ATP8B1: variants seen among roughly 807,000 people sequenced by gnomAD.
ATP8B1 encodes the protein phospholipid-transporting ATPase IC.
A neutral mutation model predicts 149.9 loss-of-function variants in ATP8B1; 80 were observed. The ratio of observed to expected loss-of-function variants is 0.53; its 90% confidence interval spans 0.45 to 0.64. ATP8B1 has a LOEUF of 0.64. Ranked by LOEUF, ATP8B1 falls within the 30% of genes least tolerant of loss-of-function variation. ATP8B1 has a pLI of 0.00. For missense variants in ATP8B1, 1,247 were observed against 1,552.6 expected, an observed-to-expected ratio of 0.80 and a Z score of 3.31; for synonymous variants, 536 against 562.8, an observed-to-expected ratio of 0.95 and a Z score of 0.67.
At chr18:57,661,696 C>CACACACATAT (rs775312497) in intron 21 of ATP8B1, among the ~76,000 whole-genome samples, 1 of 90,400 alleles carries the variant, frequency 1.1e-5, no homozygotes, top group African/African-American at 4.1e-5. Context: ...CACACACACA[C>CACACACATAT]ATATATATAT....
chr18:57,790,308 C>T (rs1259304654), intron 1 of ATP8B1, among the ~76,000 whole-genome samples: 2 of 151,936 alleles, frequency 1.3e-5, no homozygotes, highest in Admixed American at 6.6e-5. Flanking sequence ...CTGCCCCCAC[C>T]CCCATCCCCC....
At chr18:57,675,053 A>G (rs1221289520) in intron 15 of ATP8B1, 31 bp from the exon 16 acceptor site, 1 of 1,610,196 alleles carries the variant, frequency 6.2e-7, no homozygotes, top group South Asian at 1.1e-5. Context: ...ATCCCAGAAA[A>G]GCTGTAAAAA....
At chr18:57,702,341 G>A (rs73959327) in intron 4 of ATP8B1, among the ~76,000 whole-genome samples, 1,523 of 152,294 alleles carry the variant, frequency 0.01, 22 homozygotes, top group African/African-American at 0.035. Context: ...GACAGGCTTT[G>A]GAGTCAACTC....
At position 57,648,701 on chromosome 18, in the gene ATP8B1, A is replaced by G; in HGVS notation, c.3543T>C (p.His1181=). Residue 1181 remains histidine (H), a synonymous_variant, in exon 28 of 28, where the codon CAT becomes CAC. Coordinates refer to ENST00000648908, the MANE Select transcript of ATP8B1 (RefSeq NM_001374385.1). ...WPSESDKIQK[H]RKRLKAEEQW... is the part of the protein sequence containing the mutation. Reference sequence around the variant, plus strand: ...GCTCCTCCGCCTTCAACCGCTTGCGATGCTTCTGGATCTGCAAGGGGGAGA... The same window carrying G: ...GCTCCTCCGCCTTCAACCGCTTGCGGTGCTTCTGGATCTGCAAGGGGGAGA... 6.4e-7 allele frequency: 1 copy of G among 1,554,184 alleles called. No homozygotes were observed. Among genetic ancestry groups the G allele is most frequent in the Non-Finnish European group, 8.7e-7 (1 of 1,149,392 alleles).
intron 25 of ATP8B1, 85 bp downstream of exon 25, chr18:57,652,399 T>G (rs1909680444): frequency 1.3e-6 from 2 of 1,569,292 alleles, no homozygotes; most frequent in Admixed American, 1.7e-5. Context: ...GCAGTGGGAG[T>G]CAGGTGGATG....
In ATP8B1 at chr18:57,661,646, C is replaced by T. The variant is rs62094219; in HGVS notation, c.2419-184G>A. Among the ~76,000 whole-genome samples, 47,315 of 130,588 alleles carry T rather than the reference C, an allele frequency of 0.36. 10,043 individuals are homozygous for T. The highest frequency in any genetic ancestry group is 0.48 in the Non-Finnish European group (29,532 of 61,456). The allele number at this position is 130,588 out of a possible 152,430, so 85.7% of individuals were successfully genotyped here. A position where few individuals can be genotyped will look rare whatever the true frequency, so the allele number is the denominator to read the frequency against. ...GTGTGCGTGTGTATGTATATACACA[C>T]GCACACATATATGTATGTGTGTATG... On this transcript the variant is annotated intron_variant, in intron 21 of 27. Transcript: ENST00000648908.
chr18:57,777,579 T>C (rs1317457691), intron 1 of ATP8B1, among the ~76,000 whole-genome samples: 1 of 152,194 alleles, frequency 6.6e-6, no homozygotes, highest in Non-Finnish European at 1.5e-5. Context: ...TATTTATTTA[T>C]TTATTTTGAG....
At chr18:57,748,620 C>T (rs192352430) in intron 1 of ATP8B1, among the ~76,000 whole-genome samples, 1 of 152,294 alleles carries the variant, frequency 6.6e-6, no homozygotes, top group East Asian at 1.9e-4. Context: ...CAGAGGACTC[C>T]ACAGTCAGGT....
chr18:57,732,037 A>T lies in ATP8B1; in HGVS notation c.-25-205T>A, dbSNP rs77436314. 2.6e-3 allele frequency: 1,165 copies of T among 450,006 alleles called. 21 individuals carry two copies. The highest frequency in any genetic ancestry group is 0.022 in the African/African-American group (1,087 of 49,340). The allele number at this position is 450,006 out of a possible 1,614,324, so 27.9% of individuals were successfully genotyped here. ...TTAAATGCTTGGGTAAGATTTTTTT[A>T]AAAAATATGGAGCTGCAAACCTTTT... On this transcript the variant is annotated intron_variant, in intron 1 of 27. Transcript: ENST00000648908.
chr18:57,751,667 G>T (rs115386081), intron 1 of ATP8B1, among the ~76,000 whole-genome samples: 1 of 152,002 alleles, frequency 6.6e-6, no homozygotes, highest in East Asian at 1.9e-4. Flanking sequence ...TCACATATGC[G>T]TTAGAACTTG....
intron 16 of ATP8B1, 74 bp from the exon 17 acceptor site, chr18:57,671,654 G>T (rs1911224925): frequency 9.3e-7 from 1 of 1,071,208 alleles, no homozygotes; most frequent in Non-Finnish European, 1.4e-6. Context: ...ACAGGGTCTT[G>T]CTCTGTTGTC....
In ATP8B1 at chr18:57,691,901, C is replaced by T. The variant is rs900357360; in HGVS notation, c.1126G>A (p.Gly376Arg). ...CGGTAGGAGGGTGTATCGTCTTCTC[C>T]ATCATAGAGGTACCAAGAGGAATTG... ...VGNSSWYLYD[G>R]EDDTPSYRGF... Residue 376 changes from glycine (G) to arginine (R), a missense_variant, in exon 12 of 28, where the codon GGA becomes AGA. Coordinates refer to ENST00000648908, the MANE Select transcript of ATP8B1 (RefSeq NM_001374385.1). 8 of 1,614,142 alleles carry T rather than the reference C, an allele frequency of 5.0e-6. No individual in the cohort carries two copies. The Middle Eastern group carries it at 4.9e-4, about 100-fold the overall frequency.
At position 57,661,217 on chromosome 18, in the gene ATP8B1, C is replaced by A. The variant is rs35757087; in HGVS notation, c.2664G>T (p.Thr888=). 8.9e-4 allele frequency: 1,429 copies of A among 1,614,032 alleles called. 14 individuals carry two copies. The African/African-American group carries it at 0.017, about 20-fold the overall frequency. ...CATTGGCCCCATCTCCGATGGCCAGCGTGATGGCTTTCTTGTACCTCTTCA... is the reference window on the plus strand; with the variant it reads ...CATTGGCCCCATCTCCGATGGCCAGAGTGATGGCTTTCTTGTACCTCTTCA... ...DLVKRYKKAI[T]LAIGDGANDV... is the part of the protein sequence containing the mutation. The change falls in exon 22 of 28, where the codon ACG becomes ACT. Residue 888 remains threonine, a synonymous_variant. Coordinates refer to ENST00000648908, the MANE Select transcript of ATP8B1 (RefSeq NM_001374385.1).
chr18:57,676,299 C>G (rs757146963), intron 15 of ATP8B1, among the ~76,000 whole-genome samples: 2 of 151,772 alleles, frequency 1.3e-5, no homozygotes, highest in Non-Finnish European at 2.9e-5. Flanking sequence ...GTAGTTGGGA[C>G]TATAGGCGCA....
In ATP8B1 at chr18:57,704,639, GTTGTAC is replaced by G. The variant is rs1555693514; in HGVS notation, c.303_308del (p.Lys101_Tyr102del). ...GATTCATTGGTATAAAGGTAAATGC[GTTGTAC>G]TTGTATGTTTTAATTGCATTATTCT... On this transcript the variant is annotated inframe_deletion, in exon 4 of 28. Coordinates refer to ENST00000648908, the MANE Select transcript of ATP8B1 (RefSeq NM_001374385.1). 3.7e-6 allele frequency: 6 copies of G among 1,608,538 alleles called. No individual in the cohort carries two copies. The highest frequency in any genetic ancestry group is 5.1e-6 in the Non-Finnish European group (6 of 1,174,970).
intron 20 of ATP8B1, among the ~76,000 whole-genome samples, chr18:57,666,177 T>G (rs896867896): frequency 7.2e-5 from 11 of 152,286 alleles, no homozygotes; most frequent in African/African-American, 2.6e-4. Flanking sequence ...AGGCCATCAG[T>G]AAACACATCA....
intron 2 of ATP8B1, among the ~76,000 whole-genome samples, chr18:57,722,328 C>T (rs1186534337): frequency 1.3e-5 from 2 of 149,394 alleles, no homozygotes; most frequent in African/African-American, 5.0e-5. Context: ...TTGAAAGGAT[C>T]AACAAAATTG....
chr18:57,682,004 GTTA>G (rs1912003945), intron 15 of ATP8B1, among the ~76,000 whole-genome samples: 1 of 129,006 alleles, frequency 7.8e-6, no homozygotes, highest in South Asian at 2.5e-4. Context: ...GGGACTTTGT[GTTA>G]TTTTTTTTTT....
chr18:57,795,300 G>A (rs2080503121), intron 1 of ATP8B1, among the ~76,000 whole-genome samples: 1 of 152,020 alleles, frequency 6.6e-6, no homozygotes, highest in Non-Finnish European at 1.5e-5. Flanking sequence ...ACATTTGGGA[G>A]GCTGAAGCGG....
Sources: gnomAD v4.1 joint callset for allele counts (sites outside exome capture counted in the v4.1 genomes callset) on GRCh38, gnomAD v4.1.1 for gene constraint, MANE v1.5 for transcripts, NCBI Gene and HGNC (gene_info 2026-07-23, HGNC 2026-07-21) for gene names.